The following PCDHGB2 variants were observed in gnomAD, a reference collection of about 807,000 sequenced individuals.
PCDHGB2 encodes protocadherin gamma-B2.
PCDHGB2 carries 55 observed loss-of-function variants against 59.3 expected under a neutral mutation model. The observed-to-expected ratio is 0.93, with a 90% CI of 0.75 to 1.16. The LOEUF (loss-of-function observed/expected upper bound fraction) is 1.16, where lower values mean the gene tolerates loss of function less well. Among genes scored for constraint, PCDHGB2 ranks in the 50% most tolerant of loss-of-function variants. The pLI, the probability that PCDHGB2 is intolerant of heterozygous loss-of-function variation, is 0.00. For missense variants in PCDHGB2, 1,228 were observed against 1,198.5 expected (o/e 1.02, Z -0.36); for synonymous variants, 516 against 512.0 (o/e 1.01, Z -0.11).
intron 1 of PCDHGB2, among the ~76,000 whole-genome samples, chr5:141,482,354 G>C (rs1461472845): frequency 6.6e-6 from 1 of 152,096 alleles, no homozygotes; most frequent in Non-Finnish European, 1.5e-5. Context: ...CTTGTTGTGA[G>C]AGTGAAAAGT....
rs2154591169 is a variant in PCDHGB2 at position 141,493,606 on chromosome 5, T to A, written c.2422-1201T>A. Among the ~76,000 whole-genome samples, 1 of 152,278 alleles carries A rather than the reference T, an allele frequency of 6.6e-6. No homozygotes were observed. Among genetic ancestry groups the A allele is most frequent in the Non-Finnish European group, 1.5e-5 (1 of 68,022 alleles). ...ACAATCACTGCATTTCCATGTAGAT[T>A]CTGCTGTGTCTAAGAATACAGTGGC... On this transcript the variant is annotated intron_variant, in intron 1 of 3. Transcript: ENST00000522605. This position sits in a 1 kb window ranked among gnomAD's most constrained non-coding sequence, Gnocchi z 4.3.
chr5:141,409,187 A>C, intron 1 of PCDHGB2: 1 of 1,614,024 alleles, frequency 6.2e-7, no homozygotes, highest in Non-Finnish European at 8.5e-7. Flanking sequence ...TGGTCTCTCT[A>C]CCCAGTGTAA....
At position 141,447,418 on chromosome 5, in the gene PCDHGB2, G is replaced by A. The variant is rs113957183; in HGVS notation, c.2422-47389G>A. On this transcript the variant is annotated intron_variant, in intron 1 of 3. Transcript: ENST00000522605. ...CTCCCAAAGTGCTGGGATTACAGGC[G>A]TGAGCCACCGCACCCGGAGGAAATT... Among the ~76,000 whole-genome samples, 1,263 of 152,230 alleles carry A rather than the reference G, an allele frequency of 8.3e-3. 17 individuals carry two copies. The highest frequency in any genetic ancestry group is 0.029 in the African/African-American group (1,197 of 41,538).
At chr5:141,413,385 A>G (rs1328460811) in intron 1 of PCDHGB2, 23 of 1,613,870 alleles carry the variant, frequency 1.4e-5, no homozygotes, top group Non-Finnish European at 1.8e-5. Flanking sequence ...GAGTCCGCAT[A>G]GTCTCCAGAG....
intron 1 of PCDHGB2, among the ~76,000 whole-genome samples, chr5:141,452,271 C>A (rs1592214421): frequency 6.6e-6 from 1 of 152,108 alleles, no homozygotes. Flanking sequence ...TTTCTTGAAC[C>A]CTTTCTTACT....
At chr5:141,448,748 G>A (rs1476665217) in intron 1 of PCDHGB2, among the ~76,000 whole-genome samples, 1 of 151,980 alleles carries the variant, frequency 6.6e-6, no homozygotes, top group Admixed American at 6.6e-5. Context: ...AGACCATCCT[G>A]GCTAACACGG....
At chr5:141,427,411 A>C (rs1256606726) in intron 1 of PCDHGB2, 2 of 464,124 alleles carry the variant, frequency 4.3e-6, no homozygotes, top group Admixed American at 2.3e-5. Flanking sequence ...GATTCGAGAG[A>C]AAATGGGGAG....
At chr5:141,447,182 C>G (rs1205769161) in intron 1 of PCDHGB2, among the ~76,000 whole-genome samples, 1 of 152,126 alleles carries the variant, frequency 6.6e-6, no homozygotes, top group Non-Finnish European at 1.5e-5. Flanking sequence ...TCTTGTCGCG[C>G]AGGCTGGAGT....
Position 141,360,177 on chromosome 5 carries a change from G to T in PCDHGB2, c.42G>T (p.Leu14=), listed in dbSNP as rs1278032016. ...GGAGGTGCGGGCTGGTGCGGTGGCT[G>T]CAGGTACTGTTGCCCTTCCTGTTGT... The part of the protein sequence containing the change: ...SSGRCGLVRW[L]QVLLPFLLSL... Residue 14 remains leucine, a synonymous_variant, in exon 1 of 4, where the codon CTG becomes CTT. Transcript: ENST00000522605. The T allele has an allele frequency of 1.9e-6, 3 of 1,609,920 alleles. No homozygotes were observed. The highest frequency in any genetic ancestry group is 2.7e-5 in the African/African-American group (2 of 74,844).
chr5:141,420,956 T>C lies in PCDHGB2; in HGVS notation c.2421+58400T>C, dbSNP rs17097281. 2.2e-3 allele frequency: 904 copies of C among 416,864 alleles called. 5 individuals carry two copies. The highest frequency in any genetic ancestry group is 0.016 in the African/African-American group (760 of 48,560). 25.8% of individuals were successfully genotyped at this position (416,864 alleles called of 1,614,324 possible). A position where few individuals can be genotyped will look rare whatever the true frequency, so the allele number is the denominator to read the frequency against. Reference sequence around the variant, plus strand: ...AATCATTTCTTCTGGAATTTCTTAGTCGTTGCAATAATAAGAATGGGCTCT... The same window carrying C: ...AATCATTTCTTCTGGAATTTCTTAGCCGTTGCAATAATAAGAATGGGCTCT... On this transcript the variant is annotated intron_variant, in intron 1 of 3. Coordinates refer to ENST00000522605, the MANE Select transcript of PCDHGB2 (RefSeq NM_018923.3).
chr5:141,450,085 C>T (rs997781052), intron 1 of PCDHGB2, among the ~76,000 whole-genome samples: 3 of 149,208 alleles, frequency 2.0e-5, no homozygotes, highest in Non-Finnish European at 4.4e-5. Context: ...TGGCTCACTG[C>T]AACCTCCGCC....
chr5:141,481,229 A>G (rs989963485), intron 1 of PCDHGB2, among the ~76,000 whole-genome samples: 5 of 152,212 alleles, frequency 3.3e-5, no homozygotes, highest in African/African-American at 4.8e-5. Context: ...TCCCAGCCTT[A>G]AAGTATTACA....
intron 1 of PCDHGB2, among the ~76,000 whole-genome samples, chr5:141,484,072 G>A (rs2099591675): frequency 6.6e-6 from 1 of 152,258 alleles, no homozygotes; most frequent in Admixed American, 6.5e-5. Flanking sequence ...TGAAAAGCTT[G>A]CTCTTTTGAA....
Position 141,476,085 on chromosome 5 carries a change from G to C in PCDHGB2, c.2422-18722G>C, listed in dbSNP as rs1163057402. On this transcript the variant is annotated intron_variant, in intron 1 of 3. Coordinates refer to ENST00000522605, the MANE Select transcript of PCDHGB2 (RefSeq NM_018923.3). This position sits in a 1 kb window ranked among gnomAD's most constrained non-coding sequence, Gnocchi z 7.6. ...TCAGCGAAATCTCAGGGACGATCTG[G>C]ACCCCGCTGAGAGGAACTGCTTTTG... 1.3e-6 allele frequency: 2 copies of C among 1,551,682 alleles called. No individual in the cohort carries two copies. Among genetic ancestry groups the C allele is most frequent in the East Asian group, 2.3e-5 (1 of 44,392 alleles).
At chr5:141,478,169 G>T in intron 1 of PCDHGB2, 1 of 1,613,834 alleles carries the variant, frequency 6.2e-7, no homozygotes, top group Non-Finnish European at 8.5e-7. Flanking sequence ...TGCCCCCCGG[G>T]AGCAGAAAAA....
chr5:141,405,746 G>A (rs1174743960), intron 1 of PCDHGB2, among the ~76,000 whole-genome samples: 1 of 152,108 alleles, frequency 6.6e-6, no homozygotes, highest in Non-Finnish European at 1.5e-5. Context: ...CCAAAGCACT[G>A]GGATTACAGG....
chr5:141,376,090 C>T (rs372887480), intron 1 of PCDHGB2: 11 of 1,613,674 alleles, frequency 6.8e-6, no homozygotes, highest in Admixed American at 1.7e-5. Context: ...ACAGGATCCC[C>T]GACATCCTGG....
chr5:141,371,119 T>A lies in PCDHGB2; in HGVS notation c.2421+8563T>A, dbSNP rs567260577. 2.4e-4 allele frequency: 393 copies of A among 1,613,958 alleles called. 4 individuals are homozygous for A. The South Asian group carries it at 3.8e-3, about 16-fold the overall frequency. ...GATGCAAATGATAACCCCCCAGTAT[T>A]TACTCAGGACATGTACAGGGTCAAT... On this transcript the variant is annotated intron_variant, in intron 1 of 3. Coordinates refer to ENST00000522605, the MANE Select transcript of PCDHGB2 (RefSeq NM_018923.3).
chr5:141,460,741 A>C (rs1378900827), intron 1 of PCDHGB2, among the ~76,000 whole-genome samples: 1 of 152,128 alleles, frequency 6.6e-6, no homozygotes, highest in African/African-American at 2.4e-5. Flanking sequence ...CACATTGTAT[A>C]TATATGTGTA....
Sources: allele counts gnomAD v4.1 joint callset (sites outside exome capture counted in the v4.1 genomes callset), GRCh38; gene constraint gnomAD v4.1.1; non-coding constraint Gnocchi (gnomAD v3.1); transcripts MANE v1.5; gene names NCBI Gene and HGNC (gene_info 2026-07-23, HGNC 2026-07-21).